The following LRP1B variants were observed in gnomAD, a reference collection of about 807,000 sequenced individuals.
LRP1B encodes the protein LDL receptor related protein 1B.
In LRP1B, 217 loss-of-function variants were observed where a neutral mutation model predicts 556.6. The observed-to-expected ratio is 0.39, with a 90% CI of 0.35 to 0.44. The LOEUF (loss-of-function observed/expected upper bound fraction) is 0.44. Ranked by LOEUF, LRP1B falls within the 20% of genes least tolerant of loss-of-function variation. LRP1B has a pLI of 1.00. For missense variants in LRP1B, 5,053 were observed against 5,620.8 expected (o/e 0.90, Z 3.23); for synonymous variants, 2,047 against 1,865.8 (o/e 1.10, Z -2.50).
At chr2:141,949,842 G>GAT (rs143058998) in intron 1 of LRP1B, among the ~76,000 whole-genome samples, 2,779 of 152,172 alleles carry the variant, frequency 0.018, 122 homozygotes, top group East Asian at 0.11. Context: ...CTCTAATAAA[G>GAT]ATATGCATTT....
chr2:141,029,878 CT>C (rs1573997967), intron 11 of LRP1B, among the ~76,000 whole-genome samples: 1 of 152,056 alleles, frequency 6.6e-6, no homozygotes, highest in African/African-American at 2.4e-5. Context: ...GAGAACTGTC[CT>C]GTGTATTGCA....
At chr2:140,855,381 G>A (rs376405623) in intron 27 of LRP1B, among the ~76,000 whole-genome samples, 1 of 148,980 alleles carries the variant, frequency 6.7e-6, no homozygotes, top group South Asian at 2.1e-4. Context: ...AAAAATTTGG[G>A]GCCAGGCACG....
chr2:141,692,410 C>T (rs1458046258), intron 2 of LRP1B, among the ~76,000 whole-genome samples: 2 of 152,008 alleles, frequency 1.3e-5, no homozygotes, highest in African/African-American at 2.4e-5. Flanking sequence ...CAACTGTTTC[C>T]TCATCCTGTA....
At position 141,632,279 on chromosome 2, in the gene LRP1B, G is replaced by A. The variant is rs138455773; in HGVS notation, c.206-151746C>T. The stretch of plus-strand genomic sequence containing the variant: ...TATCTAATGTTTATAAAGATTCTTA[G>A]CACTTAAAACTCTTAATATTAGCAA... On this transcript the variant is annotated intron_variant, in intron 2 of 90. Transcript: ENST00000389484. Among the ~76,000 whole-genome samples the A allele has an allele frequency of 4.2e-3, 635 of 152,042 alleles. 3 individuals carry two copies. Among genetic ancestry groups the A allele is most frequent in the African/African-American group, 0.014 (597 of 41,458 alleles).
chr2:140,663,260 A>G (rs1685159904), intron 41 of LRP1B, among the ~76,000 whole-genome samples: 1 of 152,178 alleles, frequency 6.6e-6, no homozygotes, highest in East Asian at 1.9e-4. Context: ...ACTATTACAA[A>G]CACACCATGT....
At chr2:141,884,731 A>T (rs973613729) in intron 1 of LRP1B, among the ~76,000 whole-genome samples, 15 of 152,320 alleles carry the variant, frequency 9.8e-5, no homozygotes, top group African/African-American at 3.6e-4. Flanking sequence ...GAATGGGCCG[A>T]TGTGGATAGT....
chr2:141,915,306 G>A (rs1354738362), intron 1 of LRP1B, among the ~76,000 whole-genome samples: 1 of 152,116 alleles, frequency 6.6e-6, no homozygotes, highest in Non-Finnish European at 1.5e-5. Flanking sequence ...GAAGGAGAAT[G>A]AAACTGAACC....
chr2:140,598,385 C>T (rs1025832), intron 43 of LRP1B, among the ~76,000 whole-genome samples: 31,360 of 152,128 alleles, frequency 0.21, 3,533 homozygotes, highest in Admixed American at 0.28. Flanking sequence ...AAATTAGTTA[C>T]TATTGCTCCA....
At chr2:141,011,256 A>G (rs568387003) in intron 14 of LRP1B, among the ~76,000 whole-genome samples, 2 of 151,596 alleles carry the variant, frequency 1.3e-5, no homozygotes, top group South Asian at 4.1e-4. Flanking sequence ...TAGGACACAG[A>G]TCATCTACTT....
intron 82 of LRP1B, among the ~76,000 whole-genome samples, chr2:140,318,653 A>ATAACTCTGGAAATGGGTACTC (rs1684637254): frequency 6.6e-6 from 1 of 150,996 alleles, no homozygotes; most frequent in African/African-American, 2.5e-5. Flanking sequence ...AGAATTTCCA[A>ATAACTCTGGAAATGGGTACTC]TAACTCTGGA....
chr2:140,347,055 A>G (rs923242480), intron 77 of LRP1B, among the ~76,000 whole-genome samples: 25 of 151,966 alleles, frequency 1.6e-4, no homozygotes, highest in African/African-American at 5.8e-4. Flanking sequence ...TTTAATCTGT[A>G]CTTTTAAAGT....
intron 2 of LRP1B, among the ~76,000 whole-genome samples, chr2:141,807,749 G>T (rs1696210898): frequency 6.6e-6 from 1 of 152,062 alleles, no homozygotes; most frequent in Admixed American, 6.6e-5. Context: ...ATTCAAGGTG[G>T]TATGTACATT....
chr2:141,065,608 A>G (rs1171827570), intron 7 of LRP1B, among the ~76,000 whole-genome samples: 1 of 151,850 alleles, frequency 6.6e-6, no homozygotes, highest in Non-Finnish European at 1.5e-5. Context: ...TCATAATGTT[A>G]TAATTAGATT....
In LRP1B at chr2:140,674,430, C is replaced by T. The variant is rs140787583; in HGVS notation, c.6799+25820G>A. Among the ~76,000 whole-genome samples, 1,170 of 152,286 alleles carry T rather than the reference C, an allele frequency of 7.7e-3. 2 individuals are homozygous for T. The highest frequency in any genetic ancestry group is 0.011 in the Non-Finnish European group (769 of 68,014). ...AGGGTGGCCATCTATGAGACTCCATCTACATAATAAGAACCCTGGTCTCCA... is the reference window on the plus strand; with the variant it reads ...AGGGTGGCCATCTATGAGACTCCATTTACATAATAAGAACCCTGGTCTCCA... On this transcript the variant is annotated intron_variant, in intron 41 of 90. Coordinates refer to ENST00000389484, the MANE Select transcript of LRP1B (RefSeq NM_018557.3).
chr2:141,191,300 G>C (rs1681494705), intron 6 of LRP1B, among the ~76,000 whole-genome samples: 1 of 151,868 alleles, frequency 6.6e-6, no homozygotes. Context: ...CCCAGCTGGA[G>C]AACTTAAAAC....
chr2:140,548,507 T>C (rs532982355), intron 43 of LRP1B, among the ~76,000 whole-genome samples: 1 of 152,278 alleles, frequency 6.6e-6, no homozygotes, highest in South Asian at 2.1e-4. Context: ...TCCTTAGGAA[T>C]TAATATACTC....
intron 32 of LRP1B, among the ~76,000 whole-genome samples, chr2:140,777,997 C>T (rs897235590): frequency 1.3e-5 from 2 of 152,062 alleles, no homozygotes; most frequent in East Asian, 3.9e-4. Context: ...TCACTGAATT[C>T]ACTACTGCCA....
intron 1 of LRP1B, among the ~76,000 whole-genome samples, chr2:142,119,939 T>C (rs1284717535): frequency 1.3e-5 from 2 of 152,170 alleles, no homozygotes; most frequent in African/African-American, 2.4e-5. Flanking sequence ...ACACTGAGAC[T>C]GGTACATGTT....
At chr2:141,209,308 C>A (rs2105247019) in intron 6 of LRP1B, among the ~76,000 whole-genome samples, 1 of 152,244 alleles carries the variant, frequency 6.6e-6, no homozygotes, top group Admixed American at 6.5e-5. Context: ...CTGATGGTTT[C>A]ATAAAGGGCT....
Sources: allele counts gnomAD v4.1 joint callset (sites outside exome capture counted in the v4.1 genomes callset), GRCh38; gene constraint gnomAD v4.1.1; transcripts MANE v1.5; gene names NCBI Gene and HGNC (gene_info 2026-07-23, HGNC 2026-07-21).